Variants in KCNT2 observed in about 807,000 individuals in gnomAD.
The protein encoded by KCNT2 is potassium sodium-activated channel subfamily T member 2.
KCNT2 carries 67 observed loss-of-function variants against 153.8 expected under a neutral mutation model. The observed-to-expected ratio is 0.44, with a 90% CI of 0.36 to 0.53. The LOEUF (loss-of-function observed/expected upper bound fraction) is 0.53. KCNT2 is among the 20% of genes least tolerant of loss of function. The pLI is 0.00. For synonymous variants in KCNT2, 500 were observed against 458.8 expected, an observed-to-expected ratio of 1.09 and a Z score of -1.15; for missense variants, 975 against 1,354.8, an observed-to-expected ratio of 0.72 and a Z score of 4.40.
Position 196,523,634 on chromosome 1 carries a change from G to C in KCNT2, c.96-31293C>G, listed in dbSNP as rs187111207. Among the ~76,000 whole-genome samples, 9 of 152,234 alleles carry C rather than the reference G, an allele frequency of 5.9e-5. No homozygotes were observed. The East Asian group carries it at 1.7e-3, about 29-fold the overall frequency. On this transcript the variant is annotated intron_variant, in intron 1 of 27. Transcript: ENST00000294725. ...TGAGTCCAGAAAGAAAGAGAGTCTA[G>C]ACCAGAATTTCAAGAAAAACTTCTA...
At chr1:196,489,110 T>C (rs146125339) in intron 3 of KCNT2, among the ~76,000 whole-genome samples, 142 of 152,038 alleles carry the variant, frequency 9.3e-4, no homozygotes, top group African/African-American at 3.3e-3. Flanking sequence ...AGAAGAATGT[T>C]AAAAGCCCCA....
intron 23 of KCNT2, 132 bp downstream of exon 23, chr1:196,285,525 A>G: frequency 1.8e-6 from 1 of 564,224 alleles, no homozygotes; most frequent in East Asian, 2.9e-5. Context: ...CATGAAATAA[A>G]ATACTGAATT....
intron 8 of KCNT2, among the ~76,000 whole-genome samples, chr1:196,442,068 G>A (rs1003600472): frequency 3.3e-5 from 5 of 151,628 alleles, no homozygotes; most frequent in East Asian, 1.9e-4. Flanking sequence ...CATCACTTTC[G>A]TCTGGAAACT....
At chr1:196,258,165 A>G (rs767734136) in intron 26 of KCNT2, 29 bp downstream of exon 26, 3 of 1,606,706 alleles carry the variant, frequency 1.9e-6, no homozygotes, top group Admixed American at 1.7e-5. Context: ...TCACGAGTCC[A>G]TATATACAGT....
intron 12 of KCNT2, among the ~76,000 whole-genome samples, chr1:196,420,087 T>C (rs1673078287): frequency 6.6e-6 from 1 of 152,060 alleles, no homozygotes; most frequent in African/African-American, 2.4e-5. Flanking sequence ...TTTGGTTTTA[T>C]TGTTCATTTT....
chr1:196,598,761 G>C (rs932824039), intron 1 of KCNT2, among the ~76,000 whole-genome samples: 2 of 152,100 alleles, frequency 1.3e-5, no homozygotes, highest in Non-Finnish European at 2.9e-5. Flanking sequence ...TGATTCATTT[G>C]TAAAATGGGA....
At chr1:196,454,185 C>T (rs1303721877) in intron 8 of KCNT2, among the ~76,000 whole-genome samples, 1 of 151,844 alleles carries the variant, frequency 6.6e-6, no homozygotes, top group East Asian at 1.9e-4. Context: ...GCAGATACAA[C>T]GATTGTTGCA....
intron 8 of KCNT2, among the ~76,000 whole-genome samples, chr1:196,439,921 C>T (rs577863486): frequency 1.1e-4 from 17 of 151,818 alleles, no homozygotes; most frequent in South Asian, 6.2e-4. Flanking sequence ...GAGCGCATTA[C>T]GACAAATACC....
chr1:196,283,209 C>T (rs1208234657), intron 23 of KCNT2, among the ~76,000 whole-genome samples: 4 of 152,080 alleles, frequency 2.6e-5, no homozygotes, highest in African/African-American at 9.7e-5. Flanking sequence ...TCTGGGAGGC[C>T]CAGCACTCCT....
At chr1:196,347,393 T>G (rs1251647954) in intron 14 of KCNT2, among the ~76,000 whole-genome samples, 1 of 152,290 alleles carries the variant, frequency 6.6e-6, no homozygotes, top group South Asian at 2.1e-4. Flanking sequence ...TCCAAACTTC[T>G]TATAGCGGCA....
intron 20 of KCNT2, 74 bp from the exon 21 acceptor site, chr1:196,316,100 A>G: frequency 7.2e-7 from 1 of 1,389,282 alleles, no homozygotes; most frequent in Non-Finnish European, 9.9e-7. Context: ...AAAGTCTAGC[A>G]CTATCCCCTG....
At chr1:196,269,892 G>A (rs183289668) in intron 25 of KCNT2, among the ~76,000 whole-genome samples, 12 of 152,022 alleles carry the variant, frequency 7.9e-5, no homozygotes, top group East Asian at 3.9e-4. Flanking sequence ...CTTTTGTAAC[G>A]TACTCATAAC....
chr1:196,317,679 A>G (rs963883029), intron 20 of KCNT2, among the ~76,000 whole-genome samples: 1 of 151,734 alleles, frequency 6.6e-6, no homozygotes, highest in Admixed American at 6.6e-5. Flanking sequence ...TATGCATAGA[A>G]GTGAAGATAG....
intron 25 of KCNT2, among the ~76,000 whole-genome samples, chr1:196,260,299 T>A (rs942851613): frequency 3.3e-5 from 5 of 151,816 alleles, no homozygotes; most frequent in Admixed American, 6.6e-5. Flanking sequence ...TAATAAAAAA[T>A]TTTAAATGGG....
chr1:196,254,370 C>T (rs1571809186), intron 26 of KCNT2, among the ~76,000 whole-genome samples: 1 of 151,436 alleles, frequency 6.6e-6, no homozygotes, highest in East Asian at 1.9e-4. Flanking sequence ...TGATATATCT[C>T]AAAAAACAAT....
At chr1:196,368,280 G>A (rs1017945031) in intron 14 of KCNT2, among the ~76,000 whole-genome samples, 2 of 152,026 alleles carry the variant, frequency 1.3e-5, no homozygotes, top group Admixed American at 6.6e-5. Context: ...TCCAGTCTCC[G>A]GATCTCATCC....
intron 12 of KCNT2, among the ~76,000 whole-genome samples, chr1:196,401,964 G>C (rs540184819): frequency 6.6e-6 from 1 of 151,488 alleles, no homozygotes; most frequent in African/African-American, 2.4e-5. Flanking sequence ...TATGGCCAAG[G>C]ACTCTCATCA....
chr1:196,236,419 A>G (rs999134145), intron 26 of KCNT2, among the ~76,000 whole-genome samples: 2 of 151,566 alleles, frequency 1.3e-5, no homozygotes, highest in Non-Finnish European at 3.0e-5. Context: ...ATTACAAAAA[A>G]TAATCATGGT....
chr1:196,553,753 C>T (rs1658259430), intron 1 of KCNT2, among the ~76,000 whole-genome samples: 1 of 148,252 alleles, frequency 6.7e-6, no homozygotes, highest in African/African-American at 2.5e-5. Context: ...ATTCTTAAAA[C>T]ATTAAAAAAA....
Sources: gnomAD v4.1 joint callset for allele counts (sites outside exome capture counted in the v4.1 genomes callset) on GRCh38, gnomAD v4.1.1 for gene constraint, MANE v1.5 for transcripts, NCBI Gene and HGNC (gene_info 2026-07-23, HGNC 2026-07-21) for gene names.